Variants in ROBO2 observed in about 807,000 individuals in gnomAD.
The protein encoded by ROBO2 is roundabout homolog 2.
ROBO2 carries 53 observed loss-of-function variants against 160.8 expected under a neutral mutation model. The observed-to-expected ratio is 0.33, with a 90% confidence interval of 0.26 to 0.41. The LOEUF is 0.41. Ranked by LOEUF, ROBO2 falls within the 10% of genes least tolerant of loss-of-function variation. The pLI, the probability that ROBO2 is intolerant of heterozygous loss-of-function variation, is 1.00. For synonymous variants in ROBO2, 664 were observed against 611.7 expected (o/e 1.09, Z -1.26); for missense variants, 1,577 against 1,722.4 (o/e 0.92, Z 1.49).
At chr3:76,672,419 A>C (rs2092293791) in intron 2 of ROBO2, among the ~76,000 whole-genome samples, 1 of 152,198 alleles carries the variant, frequency 6.6e-6, no homozygotes, top group South Asian at 2.1e-4. Flanking sequence ...ATGAAAACAA[A>C]GTCCTATTTA....
intron 2 of ROBO2, among the ~76,000 whole-genome samples, chr3:76,878,775 G>A (rs1427331853): frequency 1.3e-5 from 2 of 152,094 alleles, no homozygotes; most frequent in Non-Finnish European, 1.5e-5. Flanking sequence ...TTAGATTAGA[G>A]CTGTAAGTGA....
chr3:77,335,501 A>T (rs1345720654), intron 2 of ROBO2, among the ~76,000 whole-genome samples: 1 of 152,204 alleles, frequency 6.6e-6, no homozygotes, highest in East Asian at 1.9e-4. Context: ...TTAATTATAC[A>T]ACAAACATGA....
At position 76,990,132 on chromosome 3, in the gene ROBO2, C is replaced by A. The variant is rs564382469; in HGVS notation, c.110-107882C>A. ...TTAAAAATTAAAATAAAATGAAAAA[C>A]TAAAATGCAGAATTTTAGGGTAGCT... On this transcript the variant is annotated intron_variant, in intron 2 of 26. Transcript: ENST00000487694. Among the ~76,000 whole-genome samples, 7 of 152,210 alleles carry A rather than the reference C, an allele frequency of 4.6e-5. No individual in the cohort carries two copies. In the East Asian group the frequency reaches 1.2e-3, roughly 25 times the overall value.
intron 2 of ROBO2, among the ~76,000 whole-genome samples, chr3:76,526,112 A>G (rs948358300): frequency 2.6e-5 from 4 of 152,046 alleles, no homozygotes; most frequent in Non-Finnish European, 5.9e-5. Flanking sequence ...TGGTGTTAGG[A>G]CAAACCTACA....
At chr3:76,229,177 A>G (rs1704471699) in intron 2 of ROBO2, among the ~76,000 whole-genome samples, 1 of 152,184 alleles carries the variant, frequency 6.6e-6, no homozygotes, top group Non-Finnish European at 1.5e-5. Context: ...ATTATTAGAA[A>G]ACTAATGATT....
At chr3:76,221,536 A>G (rs1703967102) in intron 2 of ROBO2, among the ~76,000 whole-genome samples, 1 of 152,206 alleles carries the variant, frequency 6.6e-6, no homozygotes, top group African/African-American at 2.4e-5. Flanking sequence ...GAACCCATTA[A>G]TTGTGGCTGT....
chr3:75,919,329 T>C (rs146366048), intron 1 of ROBO2, among the ~76,000 whole-genome samples: 85 of 152,306 alleles, frequency 5.6e-4, no homozygotes, highest in South Asian at 1.2e-3. Flanking sequence ...GTTTATGTGA[T>C]GGATTACATT....
intron 2 of ROBO2, among the ~76,000 whole-genome samples, chr3:76,155,168 T>C (rs2072357913): frequency 6.6e-6 from 1 of 152,146 alleles, no homozygotes; most frequent in South Asian, 2.1e-4. Context: ...TGTTGCTGTT[T>C]TGCAATCCCC....
intron 16 of ROBO2, among the ~76,000 whole-genome samples, chr3:77,582,901 G>T (rs775731818): frequency 6.6e-6 from 1 of 151,996 alleles, no homozygotes; most frequent in Non-Finnish European, 1.5e-5. Context: ...AGCACTTTGA[G>T]GGGCTGAGGC....
chr3:77,566,058 T>C (rs568803571), intron 12 of ROBO2, among the ~76,000 whole-genome samples: 1 of 152,236 alleles, frequency 6.6e-6, no homozygotes, highest in South Asian at 2.1e-4. Flanking sequence ...TTGAACAAGA[T>C]ATAATTCAAA....
At chr3:77,155,527 C>T (rs115593953) in intron 2 of ROBO2, among the ~76,000 whole-genome samples, 1,998 of 152,030 alleles carry the variant, frequency 0.013, 65 homozygotes, top group African/African-American at 0.045. Flanking sequence ...CCAGAAACCC[C>T]GTAAACAACA....
chr3:76,571,474 C>A (rs1482490692), intron 2 of ROBO2, among the ~76,000 whole-genome samples: 8 of 151,930 alleles, frequency 5.3e-5, no homozygotes, highest in African/African-American at 1.9e-4. Flanking sequence ...TACCAAGATA[C>A]TGAGAAACAA....
At chr3:77,614,044 T>C (rs1325528054) in intron 21 of ROBO2, among the ~76,000 whole-genome samples, 1 of 152,176 alleles carries the variant, frequency 6.6e-6, no homozygotes, top group African/African-American at 2.4e-5. Flanking sequence ...TGAAAACAAA[T>C]TAATTTATTT....
intron 2 of ROBO2, among the ~76,000 whole-genome samples, chr3:76,406,647 C>CT (rs1392485929): frequency 4.0e-5 from 6 of 151,862 alleles, no homozygotes; most frequent in Non-Finnish European, 8.8e-5. Context: ...AAGAATCCCA[C>CT]TAATGGTATT....
At chr3:76,970,810 T>C (rs1007395067) in intron 2 of ROBO2, among the ~76,000 whole-genome samples, 2 of 152,190 alleles carry the variant, frequency 1.3e-5, no homozygotes, top group Non-Finnish European at 2.9e-5. Context: ...TTAACACTTA[T>C]GTGTTAATTC....
At chr3:76,814,761 A>C (rs1146007) in intron 2 of ROBO2, among the ~76,000 whole-genome samples, 39,215 of 151,954 alleles carry the variant, frequency 0.26, 6,241 homozygotes, top group Non-Finnish European at 0.35. Context: ...CTGTCTTCAC[A>C]ATACATTTAT....
intron 2 of ROBO2, among the ~76,000 whole-genome samples, chr3:76,686,516 A>G (rs1221048459): frequency 6.7e-6 from 1 of 149,538 alleles, no homozygotes; most frequent in East Asian, 1.9e-4. Flanking sequence ...AAAACAGCAA[A>G]TAAATATACC....
At chr3:76,167,711 T>G (rs2106966384) in intron 2 of ROBO2, among the ~76,000 whole-genome samples, 1 of 152,348 alleles carries the variant, frequency 6.6e-6, no homozygotes, top group East Asian at 1.9e-4. Context: ...ATTTTTTACC[T>G]AAAGATAATT....
chr3:77,456,209 A>C (rs778017418), intron 2 of ROBO2, among the ~76,000 whole-genome samples: 5 of 152,222 alleles, frequency 3.3e-5, no homozygotes, highest in Non-Finnish European at 7.3e-5. Flanking sequence ...TGTACTTACA[A>C]AGTGAACTTT....
Sources: gnomAD v4.1 joint callset for allele counts (sites outside exome capture counted in the v4.1 genomes callset) on GRCh38, gnomAD v4.1.1 for gene constraint, MANE v1.5 for transcripts, NCBI Gene and HGNC (gene_info 2026-07-23, HGNC 2026-07-21) for gene names.